The following INPP5D variants were observed in gnomAD, a reference collection of about 807,000 sequenced individuals.
INPP5D encodes inositol polyphosphate-5-phosphatase D.
A neutral mutation model predicts 122.9 loss-of-function variants in INPP5D; 33 were observed. The observed-to-expected ratio is 0.27, with a 90% CI of 0.20 to 0.36. The LOEUF is 0.36. Among genes scored for constraint, INPP5D ranks in the 10% least tolerant of loss-of-function variants. The pLI is 1.00. For synonymous variants in INPP5D, 584 were observed against 576.2 expected (o/e 1.01, Z -0.19); for missense variants, 1,053 against 1,412.7 (o/e 0.75, Z 4.08).
intron 3 of INPP5D, among the ~76,000 whole-genome samples, chr2:233,123,807 T>C (rs1394471455): frequency 6.6e-6 from 1 of 152,250 alleles, no homozygotes; most frequent in Non-Finnish European, 1.5e-5. Flanking sequence ...CGAGATCATG[T>C]CCTTTGCAGG....
chr2:233,163,718 C>G lies in INPP5D; in HGVS notation c.1252C>G (p.Pro418Ala), dbSNP rs775892531. Reference sequence around the variant, plus strand: ...TTTTGCTGTTGAAGGTAACGCCCCCCCTCCCAAGAAGATCACGTCCTGGTT... The same window carrying G: ...TTTTGCTGTTGAAGGTAACGCCCCCGCTCCCAAGAAGATCACGTCCTGGTT... ...IGTWNMGNAP[P>A]PKKITSWFLS... is the part of the protein sequence containing the mutation. Residue 418 changes from proline to alanine, a missense_variant, in exon 12 of 27, where the codon CCT (proline) becomes GCT (alanine). Around this residue, in one of 6 missense-constraint regions of INPP5D, gnomAD observed 105 missense variants for 199.8 expected, o/e 0.53. Transcript: ENST00000445964. The G allele has an allele frequency of 2.0e-5, 32 of 1,613,822 alleles. No homozygotes were observed. Among genetic ancestry groups the G allele is most frequent in the South Asian group, 1.8e-4 (16 of 91,060 alleles).
At chr2:233,092,618 T>C (rs1692022037) in intron 2 of INPP5D, among the ~76,000 whole-genome samples, 1 of 152,192 alleles carries the variant, frequency 6.6e-6, no homozygotes, top group South Asian at 2.1e-4. Context: ...ACAGGACCTT[T>C]GCTTGGGGTG....
In INPP5D at chr2:233,081,222, G is replaced by A. The variant is rs142062991; in HGVS notation, c.198+1824G>A. On this transcript the variant is annotated intron_variant, in intron 2 of 26. Coordinates refer to ENST00000445964, the MANE Select transcript of INPP5D (RefSeq NM_001017915.3). ...AGGGGCTCTTCACCATGTGTGGGAT[G>A]TGAGCAGCGGAGGGGAGCCCTGTCT... Among the ~76,000 whole-genome samples, 153 of 152,356 alleles carry A rather than the reference G, an allele frequency of 1.0e-3. 1 individual carries two copies. The highest frequency in any genetic ancestry group is 3.6e-3 in the African/African-American group (148 of 41,580).
chr2:233,060,423 T>A lies in INPP5D; in HGVS notation c.-56T>A, dbSNP rs1691033679. 9.8e-6 allele frequency: 15 copies of A among 1,530,348 alleles called. No homozygotes were observed. In the South Asian group the frequency reaches 1.8e-4, roughly 18 times the overall value. 94.8% of individuals were successfully genotyped at this position (1,530,348 alleles called of 1,614,324 possible). ...GTGGAGGGGCCTCCGCTCCCCTCGG[T>A]GGTGTGTGGGTCCTGGGGGTGCCTG... On this transcript the variant is annotated 5_prime_UTR_variant, in exon 1 of 27. Transcript: ENST00000445964.
At chr2:233,098,257 C>T (rs752236229) in intron 2 of INPP5D, among the ~76,000 whole-genome samples, 1 of 152,132 alleles carries the variant, frequency 6.6e-6, no homozygotes, top group Non-Finnish European at 1.5e-5. Context: ...AAGTCAAAGA[C>T]AAGGAGTGCA....
At chr2:233,166,116 T>G (rs539906452) in intron 13 of INPP5D, among the ~76,000 whole-genome samples, 17 of 152,106 alleles carry the variant, frequency 1.1e-4, no homozygotes, top group Admixed American at 8.5e-4. Flanking sequence ...AGTAGAAGGG[T>G]GGGGCTGGCG....
intron 1 of INPP5D, among the ~76,000 whole-genome samples, chr2:233,063,807 A>G (rs540169227): frequency 1.3e-5 from 2 of 152,356 alleles, no homozygotes; most frequent in Admixed American, 1.3e-4. Context: ...TCTTCTAAGT[A>G]GAGCCTATGT....
chr2:233,174,116 T>G lies in INPP5D; in HGVS notation c.1989+2964T>G, dbSNP rs140869731. On this transcript the variant is annotated intron_variant, in intron 17 of 26. Transcript: ENST00000445964. ...CTGGTTACCTCCTGAAGGACCTGCCTGAGGCTATTTTATAGTTAACATTTT... is the reference window on the plus strand; with the variant it reads ...CTGGTTACCTCCTGAAGGACCTGCCGGAGGCTATTTTATAGTTAACATTTT... Among the ~76,000 whole-genome samples, 128 of 152,376 alleles carry G rather than the reference T, an allele frequency of 8.4e-4. 5 individuals carry two copies. The highest frequency in any genetic ancestry group is 2.9e-3 in the African/African-American group (121 of 41,590).
intron 17 of INPP5D, among the ~76,000 whole-genome samples, chr2:233,176,184 G>C (rs1303574084): frequency 6.6e-6 from 1 of 152,180 alleles, no homozygotes; most frequent in African/African-American, 2.4e-5. Context: ...CCACCTAATG[G>C]ACATCTTGCT....
chr2:233,156,227 C>G (rs1694050416), intron 9 of INPP5D, among the ~76,000 whole-genome samples: 1 of 152,222 alleles, frequency 6.6e-6, no homozygotes, highest in Non-Finnish European at 1.5e-5. Context: ...GTGGCTCAGA[C>G]AAGGCCAAGA....
At chr2:233,064,904 A>G (rs1054536718) in intron 1 of INPP5D, among the ~76,000 whole-genome samples, 3 of 152,194 alleles carry the variant, frequency 2.0e-5, no homozygotes, top group African/African-American at 7.2e-5. Flanking sequence ...TTTTGTGCAA[A>G]TGCAATAAGG....
intron 17 of INPP5D, among the ~76,000 whole-genome samples, chr2:233,175,684 T>C (rs1341922644): frequency 7.0e-6 from 1 of 142,794 alleles, no homozygotes; most frequent in African/African-American, 2.5e-5. Context: ...ATAAAAACTT[T>C]TGTTTTTTTT....
Position 233,198,257 on chromosome 2 carries a change from G to A in INPP5D, c.2856G>A (p.Pro952=), listed in dbSNP as rs530915376. Residue 952 remains proline, a synonymous_variant, in exon 25 of 27, where the codon CCG becomes CCA. Transcript: ENST00000445964. ...WSYDQPPKDS[P]LGPCRGESPP... is the part of the protein sequence containing the mutation. Reference sequence around the variant, plus strand: ...ACGACCAGCCGCCCAAGGACTCCCCGCTGGGGCCCTGCAGGGGAGAAAGTC... The same window carrying A: ...ACGACCAGCCGCCCAAGGACTCCCCACTGGGGCCCTGCAGGGGAGAAAGTC... The A allele has an allele frequency of 8.2e-5, 132 of 1,613,576 alleles. No individual in the cohort carries two copies. The East Asian group carries it at 2.7e-3, about 34-fold the overall frequency.
chr2:233,180,372 A>C (rs1035747481), intron 18 of INPP5D, among the ~76,000 whole-genome samples: 4 of 151,846 alleles, frequency 2.6e-5, no homozygotes, highest in African/African-American at 7.2e-5. Flanking sequence ...TAAAAAAAAA[A>C]ACCCTGCTCG....
chr2:233,171,387 T>C, intron 17 of INPP5D: 1 of 493,136 alleles, frequency 2.0e-6, no homozygotes, highest in Non-Finnish European at 3.4e-6. Context: ...TACTCTAAGA[T>C]GCTGAGAGGA....
At chr2:233,118,284 C>T (rs147505370) in intron 2 of INPP5D, among the ~76,000 whole-genome samples, 114 of 152,324 alleles carry the variant, frequency 7.5e-4, no homozygotes, top group African/African-American at 2.7e-3. Context: ...TACCCTGATG[C>T]AGGACCTTTC....
intron 17 of INPP5D, among the ~76,000 whole-genome samples, chr2:233,174,791 C>CAAA (rs34082998): frequency 4.1e-5 from 4 of 96,868 alleles, no homozygotes; most frequent in African/African-American, 4.2e-5. Flanking sequence ...GACCCTGTCT[C>CAAA]AAAAAAAAAA....
chr2:233,164,018 T>C lies in INPP5D; in HGVS notation c.1437+115T>C. ...TCAGCTCTCAGTTTTCAAGGATGTC[T>C]GGAGGCCCCCACTGAGAGATGCGTC... On this transcript the variant is annotated intron_variant, in intron 12 of 26. Transcript: ENST00000445964. The surrounding 1 kb of genome is among the most constrained non-coding windows in gnomAD (Gnocchi z 4.3). 1 of 1,461,894 alleles carries C rather than the reference T, an allele frequency of 6.8e-7. No homozygotes were observed. Among genetic ancestry groups the C allele is most frequent in the Non-Finnish European group, 9.0e-7 (1 of 1,106,988 alleles). The allele number at this position is 1,461,894 out of a possible 1,614,324, so 90.6% of individuals were successfully genotyped here. A position where few individuals can be genotyped will look rare whatever the true frequency, so the allele number is the denominator to read the frequency against.
intron 6 of INPP5D, among the ~76,000 whole-genome samples, chr2:233,144,552 T>TGGTGAG (rs1434836045): frequency 6.8e-6 from 1 of 146,512 alleles, no homozygotes; most frequent in Non-Finnish European, 1.5e-5. Context: ...GTGGTGGTGA[T>TGGTGAG]GGTGAGGGTG....
Sources: gnomAD v4.1 joint callset for allele counts (sites outside exome capture counted in the v4.1 genomes callset) on GRCh38, gnomAD v4.1.1 for gene constraint, gnomAD v4.1.1 regional missense constraint, Gnocchi (gnomAD v3.1) non-coding constraint, MANE v1.5 for transcripts, NCBI Gene and HGNC (gene_info 2026-07-23, HGNC 2026-07-21) for gene names.